RCC1L: variants seen among roughly 807,000 people sequenced by gnomAD.
RCC1L encodes the protein RCC1-like G exchanging factor-like protein.
In RCC1L, 46 loss-of-function variants were observed where a neutral mutation model predicts 58.6. The observed-to-expected ratio is 0.79, with a 90% CI of 0.62 to 1.00. The LOEUF is 1.00. RCC1L is among the 50% of genes least tolerant of loss of function. RCC1L has a pLI of 0.00. For missense variants in RCC1L, 636 were observed against 623.6 expected (o/e 1.02, Z -0.21); for synonymous variants, 281 against 262.9 (o/e 1.07, Z -0.67).
At chr7:75,073,092 T>C (rs1554446388) in intron 1 of RCC1L, among the ~76,000 whole-genome samples, 1 of 152,146 alleles carries the variant, frequency 6.6e-6, no homozygotes, top group African/African-American at 2.4e-5. Flanking sequence ...CCACCGCATA[T>C]AAACAGCTAG....
At chr7:75,027,966 C>G (rs1326524879) in exon 11 of RCC1L, 1 of 1,497,666 alleles carries the variant, frequency 6.7e-7, no homozygotes, top group East Asian at 2.5e-5. Context: ...ATGTGTTTCT[C>G]AGAGGGGCTC....
At chr7:75,051,949 A>G (rs1805927187) in intron 10 of RCC1L, among the ~76,000 whole-genome samples, 1 of 152,146 alleles carries the variant, frequency 6.6e-6, no homozygotes, top group Non-Finnish European at 1.5e-5. Flanking sequence ...CATTTTCCAT[A>G]GTGCATTTTT....
Position 75,061,257 on chromosome 7 carries a change from G to T in RCC1L, c.737C>A (p.Thr246Lys), listed in dbSNP as rs1306616077. The part of the protein sequence containing the change: ...ACGQDHSLFL[T>K]DKGEVYSCGW... ...ACAAGAATAGACTTCTCCTTTATCC[G>T]TCAGGAACAGACTATGATCCTGACC... The change falls in exon 6 of 11, where the codon ACG becomes AAG. Residue 246 changes from threonine (T) to lysine (K), a missense_variant. Thr to Lys is a moderately conservative substitution (Grantham distance 78, BLOSUM62 -1). Transcript: ENST00000610322. The T allele has an allele frequency of 4.3e-6, 7 of 1,613,490 alleles. No individual in the cohort carries two copies. In the Admixed American group the frequency reaches 5.0e-5, roughly 12 times the overall value.
chr7:75,043,135 T>C, intron 10 of RCC1L, 26 bp from the exon 11 acceptor site: 2 of 1,613,436 alleles, frequency 1.2e-6, no homozygotes, highest in Non-Finnish European at 1.7e-6. Flanking sequence ...CAGCATACCA[T>C]GGGTGGGGGT....
intron 10 of RCC1L, among the ~76,000 whole-genome samples, chr7:75,044,542 T>C (rs1175770021): frequency 1.6e-4 from 20 of 128,896 alleles, no homozygotes; most frequent in African/African-American, 6.0e-4. Context: ...GAGGTTGCAG[T>C]GAGCTGAGAT....
chr7:75,027,906 T>A (rs1805183030), exon 11 of RCC1L: 1 of 1,052,054 alleles, frequency 9.5e-7, no homozygotes, highest in African/African-American at 1.6e-5. Context: ...TATCTCCTGG[T>A]CTGCTGGGTG....
At position 75,070,773 on chromosome 7, in the gene RCC1L, A is replaced by G. The variant is rs1348713577; in HGVS notation, c.325-4T>C. The G allele has an allele frequency of 1.2e-6, 2 of 1,613,714 alleles. No individual in the cohort carries two copies. Among genetic ancestry groups the G allele is most frequent in the Admixed American group, 3.3e-5 (2 of 59,930 alleles). ...AGCCGCAAGCAGCAGATGAAATCTG[A>G]AAAGCAGTTCCCACAAAGCATGAAC... On this transcript the variant is annotated splice_polypyrimidine_tract_variant and splice_region_variant and intron_variant, in intron 1 of 10. Transcript: ENST00000610322.
At chr7:75,042,140 A>C (rs1326389254), downstream of RCC1L, 1 of 980,152 alleles carries the variant, frequency 1.0e-6, no homozygotes, top group Middle Eastern at 5.2e-4. Context: ...TAAAAGCAAA[A>C]CTCTAAATGA....
chr7:75,042,356 C>T lies in RCC1L; in HGVS notation c.*676G>A, dbSNP rs1364804754. 1.0e-5 allele frequency: 10 copies of T among 985,724 alleles called. No individual in the cohort carries two copies. The South Asian group carries it at 2.3e-4, about 23-fold the overall frequency. 61.1% of individuals were successfully genotyped at this position (985,724 alleles called of 1,614,324 possible). On this transcript the variant is annotated 3_prime_UTR_variant, in exon 11 of 11. Transcript: ENST00000610322. ...TGGCGGATATGCTCGGGGCCCTCGG[C>T]GCAGAGGAACTTGGCCTCGATTCTC...
At chr7:75,034,024 G>A (rs1584484837) in intron 10 of RCC1L, among the ~76,000 whole-genome samples, 2 of 152,154 alleles carry the variant, frequency 1.3e-5, no homozygotes, top group African/African-American at 2.4e-5. Flanking sequence ...TGAAGAAAGC[G>A]GAAAGAAAAT....
chr7:75,032,657 C>T (rs1020570848), intron 10 of RCC1L, among the ~76,000 whole-genome samples: 3 of 152,186 alleles, frequency 2.0e-5, no homozygotes, highest in East Asian at 1.9e-4. Context: ...ACCTGGAGAC[C>T]GGGAGTGAAA....
chr7:75,057,778 G>A (rs1806128440), intron 7 of RCC1L, 162 bp from the exon 8 acceptor site: 2 of 735,316 alleles, frequency 2.7e-6, no homozygotes, highest in Non-Finnish European at 4.9e-6. Flanking sequence ...TGCTGGGGTA[G>A]AATGGGAAGC....
intron 5 of RCC1L, among the ~76,000 whole-genome samples, chr7:75,061,972 G>C (rs1191234736): frequency 6.6e-6 from 1 of 152,122 alleles, no homozygotes; most frequent in Admixed American, 6.6e-5. Flanking sequence ...TGGATCACTT[G>C]AGGTCAGGAG....
At position 75,064,620 on chromosome 7, in the gene RCC1L, C is replaced by A; in HGVS notation, c.612G>T (p.Gly204=). Reference sequence around the variant, plus strand: ...TTTCGACCACCTTTCTTCCACATTGCCCATAAGAATTGTTTCCCATGCTGA... The same window carrying A: ...TTTCGACCACCTTTCTTCCACATTGACCATAAGAATTGTTTCCCATGCTGA... ...GVFSMGNNSY[G]QCGRKVVENE... Residue 204 remains glycine (G), a synonymous_variant, in exon 4 of 11, where the codon GGG becomes GGT. Transcript: ENST00000610322. 6.2e-7 allele frequency: 1 copy of A among 1,613,856 alleles called. No homozygotes were observed. The highest frequency in any genetic ancestry group is 8.5e-7 in the Non-Finnish European group (1 of 1,179,840).
chr7:75,052,652 T>C, intron 10 of RCC1L, 59 bp downstream of exon 10: 1 of 1,512,394 alleles, frequency 6.6e-7, no homozygotes, highest in Non-Finnish European at 9.0e-7. Flanking sequence ...GTGTCTGCAG[T>C]GACGTCAGGT....
intron 10 of RCC1L, among the ~76,000 whole-genome samples, chr7:75,049,418 C>A (rs1554443114): frequency 6.6e-6 from 1 of 151,810 alleles, no homozygotes; most frequent in Non-Finnish European, 1.5e-5. Flanking sequence ...CTCAGCTATT[C>A]CAGAGGCTGA....
At chr7:75,058,889 G>GCCCCAGACTGGGATT in intron 6 of RCC1L, 120 bp from the exon 7 acceptor site, 1 of 1,306,688 alleles carries the variant, frequency 7.7e-7, no homozygotes, top group Non-Finnish European at 1.1e-6. Flanking sequence ...AGAAATCCCA[G>GCCCCAGACTGGGATT]TCTGGGGCTG....
intron 10 of RCC1L, among the ~76,000 whole-genome samples, chr7:75,051,297 C>T (rs1156691894): frequency 6.8e-6 from 1 of 146,928 alleles, no homozygotes; most frequent in African/African-American, 2.5e-5. Context: ...CATATAAATA[C>T]ATACATATAT....
chr7:75,053,381 C>T (rs1584494871), intron 9 of RCC1L, among the ~76,000 whole-genome samples: 1 of 152,154 alleles, frequency 6.6e-6, no homozygotes, highest in Non-Finnish European at 1.5e-5. Flanking sequence ...CTCTGCCTTC[C>T]ACAAATCCTG....
Sources: gnomAD v4.1 joint callset for allele counts (sites outside exome capture counted in the v4.1 genomes callset) on GRCh38, gnomAD v4.1.1 for gene constraint, MANE v1.5 for transcripts, NCBI Gene and HGNC (gene_info 2026-07-23, HGNC 2026-07-21) for gene names.